Variants in KIAA2012 observed in about 807,000 individuals in gnomAD.
The protein encoded by KIAA2012 is uncharacterized protein KIAA2012.
In KIAA2012, 125 loss-of-function variants were observed where a neutral mutation model predicts 150.6. The ratio of observed to expected loss-of-function variants is 0.83; its 90% CI spans 0.72 to 0.96. The LOEUF (loss-of-function observed/expected upper bound fraction) is 0.96. KIAA2012 is among the 40% of genes least tolerant of loss of function. KIAA2012 has a pLI of 0.00. For synonymous variants in KIAA2012, 462 were observed against 504.7 expected (o/e 0.92, Z 1.13); for missense variants, 1,219 against 1,354.9 (o/e 0.90, Z 1.57).
chr2:202,188,416 T>G, intron 18 of KIAA2012, 150 bp downstream of exon 18: 1 of 630,122 alleles, frequency 1.6e-6, no homozygotes, highest in Non-Finnish European at 2.7e-6. Flanking sequence ...TGCAGCCTTA[T>G]GTCATATCAG....
chr2:202,073,405 T>A lies in KIAA2012; in HGVS notation c.-223T>A. 4.2e-6 allele frequency: 2 copies of A among 475,378 alleles called. No homozygotes were observed. The highest frequency in any genetic ancestry group is 7.6e-6 in the Non-Finnish European group (2 of 264,366). 29.4% of individuals were successfully genotyped at this position (475,378 alleles called of 1,614,324 possible). ...ATCCAGGGCTTGAGGAGGCTGGCTGTGCGGTTTATTTTTTCTCTCCACAAA... is the reference window on the plus strand; with the variant it reads ...ATCCAGGGCTTGAGGAGGCTGGCTGAGCGGTTTATTTTTTCTCTCCACAAA... On this transcript the variant is annotated 5_prime_UTR_variant, in exon 1 of 24. Transcript: ENST00000498697.
chr2:202,166,484 C>T (rs1319213068), intron 15 of KIAA2012, among the ~76,000 whole-genome samples: 4 of 152,048 alleles, frequency 2.6e-5, no homozygotes, highest in Non-Finnish European at 5.9e-5. Context: ...AAGATCCTGT[C>T]TCTACAAAAA....
At position 202,164,568 on chromosome 2, in the gene KIAA2012, A is replaced by T. The variant is rs569106543; in HGVS notation, c.2047-716A>T. 1.6e-4 allele frequency among the ~76,000 whole-genome samples: 25 copies of T among 152,332 alleles called. No individual in the cohort carries two copies. The South Asian group carries it at 5.2e-3, about 32-fold the overall frequency. On this transcript the variant is annotated intron_variant, in intron 14 of 23. Transcript: ENST00000498697. ...CCGTGGTAATCCTGAGGATGCCACA[A>T]AAGGCCTGTCTGACCCTTTGGCTCC...
At chr2:202,090,323 A>C (rs1689684436) in intron 2 of KIAA2012, among the ~76,000 whole-genome samples, 1 of 152,238 alleles carries the variant, frequency 6.6e-6, no homozygotes, top group Non-Finnish European at 1.5e-5. Flanking sequence ...TATTTTCAAA[A>C]TGCCAGGCTC....
chr2:202,112,075 G>A (rs1690372920), intron 10 of KIAA2012, among the ~76,000 whole-genome samples: 1 of 152,154 alleles, frequency 6.6e-6, no homozygotes, highest in African/African-American at 2.4e-5. Context: ...AGTATCTTTT[G>A]TTATTAATAA....
At position 202,090,837 on chromosome 2, in the gene KIAA2012, G is replaced by A. The variant is rs560061887; in HGVS notation, c.437G>A (p.Arg146Gln). 7.1e-6 allele frequency: 11 copies of A among 1,550,604 alleles called. No homozygotes were observed. In the Admixed American group the frequency reaches 1.8e-4, roughly 25 times the overall value. Residue 146 changes from arginine (R) to glutamine (Q), a missense_variant, in exon 3 of 24, where the codon CGG becomes CAG. Physicochemically the swap from Arg to Gln is conservative, Grantham distance 43. Coordinates refer to ENST00000498697, the MANE Select transcript of KIAA2012 (RefSeq NM_001277372.4). ...FRSQLESQAQ[R>Q]QIQPGHSAKR... ...AGCCAGCTGGAGAGCCAGGCCCAAC[G>A]GCAGATCCAGCCAGGGCATTCAGCC...
intron 2 of KIAA2012, 22 bp downstream of exon 2, chr2:202,075,197 G>A (rs753516216): frequency 6.6e-7 from 1 of 1,520,346 alleles, no homozygotes; most frequent in African/African-American, 1.4e-5. Flanking sequence ...GCTCCCTTGG[G>A]TTTGGGGAAG....
At chr2:202,170,982 A>G (rs1691874832) in intron 15 of KIAA2012, among the ~76,000 whole-genome samples, 3 of 152,204 alleles carry the variant, frequency 2.0e-5, no homozygotes, top group Non-Finnish European at 2.9e-5. Flanking sequence ...AGAGCTGGGC[A>G]ACAGTGAGGC....
chr2:202,113,348 A>G lies in KIAA2012; in HGVS notation c.1664A>G (p.Asp555Gly), dbSNP rs1303346059. 2 of 1,550,258 alleles carry G rather than the reference A, an allele frequency of 1.3e-6. No individual in the cohort carries two copies. Among genetic ancestry groups the G allele is most frequent in the Non-Finnish European group, 1.7e-6 (2 of 1,146,846 alleles). Residue 555 changes from aspartate (D) to glycine (G), a missense_variant, in exon 11 of 24, where the codon GAC becomes GGC. By Grantham distance (94) the Asp-to-Gly change is moderately conservative. Coordinates refer to ENST00000498697, the MANE Select transcript of KIAA2012 (RefSeq NM_001277372.4). ...ALPAAQEDSS[D>G]PTLGHFLLGP... ...GCTTATTTTCAAGAAGATTCCAGCG[A>G]CCCTACACTGGGACACTTCTTGCTG...
chr2:202,185,484 G>C (rs1188767939), intron 16 of KIAA2012, among the ~76,000 whole-genome samples: 1 of 152,112 alleles, frequency 6.6e-6, no homozygotes, highest in African/African-American at 2.4e-5. Context: ...AAAAGGTTTT[G>C]TGTTCCCCAG....
chr2:202,106,739 T>G (rs536365053), intron 9 of KIAA2012, among the ~76,000 whole-genome samples: 1 of 152,252 alleles, frequency 6.6e-6, no homozygotes, highest in South Asian at 2.1e-4. Flanking sequence ...GATAAAAGTC[T>G]TCACTCCAAT....
Position 202,074,929 on chromosome 2 carries a change from T to A in KIAA2012, c.123T>A (p.Pro41=). The A allele has an allele frequency of 1.3e-6, 2 of 1,550,804 alleles. No individual in the cohort carries two copies. Among genetic ancestry groups the A allele is most frequent in the Non-Finnish European group, 1.7e-6 (2 of 1,147,024 alleles). ...GGAGGTCCCCAGAAGACTATGTTCCTGTCAGCAAACCTCAAGATAAGAACA... is the reference window on the plus strand; with the variant it reads ...GGAGGTCCCCAGAAGACTATGTTCCAGTCAGCAAACCTCAAGATAAGAACA... The part of the protein sequence containing the change: ...LNWRSPEDYV[P]VSKPQDKNNA... The change falls in exon 2 of 24, where the codon CCT becomes CCA. Residue 41 remains proline (P), a synonymous_variant. Coordinates refer to ENST00000498697, the MANE Select transcript of KIAA2012 (RefSeq NM_001277372.4).
intron 22 of KIAA2012, chr2:202,201,871 G>A: frequency 1.7e-6 from 2 of 1,207,150 alleles, no homozygotes; most frequent in Non-Finnish European, 2.5e-6. Flanking sequence ...GTTGGATATT[G>A]ACCTTTGCTG....
chr2:202,163,698 T>C (rs1691702622), intron 14 of KIAA2012, among the ~76,000 whole-genome samples: 1 of 152,108 alleles, frequency 6.6e-6, no homozygotes, highest in African/African-American at 2.4e-5. Context: ...TCAATACAGT[T>C]TCTTGTTAGA....
At chr2:202,199,920 A>ATTT (rs71025287) in intron 22 of KIAA2012, among the ~76,000 whole-genome samples, 7,596 of 76,290 alleles carry the variant, frequency 0.1, 1,753 homozygotes, top group African/African-American at 0.14. Context: ...GCCCCTCATA[A>ATTT]TTTTTTTTTT....
At chr2:202,095,393 G>T (rs772161672) in intron 4 of KIAA2012, among the ~76,000 whole-genome samples, 4 of 152,158 alleles carry the variant, frequency 2.6e-5, no homozygotes, top group Non-Finnish European at 5.9e-5. Flanking sequence ...AGTCACTTAT[G>T]CTCCCTGCAT....
intron 2 of KIAA2012, among the ~76,000 whole-genome samples, chr2:202,080,198 A>G (rs1176311544): frequency 6.6e-6 from 1 of 152,234 alleles, no homozygotes; most frequent in African/African-American, 2.4e-5. Context: ...ATGTTTAAAA[A>G]GTGGATCTGA....
intron 15 of KIAA2012, among the ~76,000 whole-genome samples, chr2:202,171,205 GCACA>G (rs10532177): frequency 2.7e-5 from 4 of 149,784 alleles, no homozygotes; most frequent in South Asian, 2.1e-4. Context: ...AGACACACAT[GCACA>G]CACACACACA....
chr2:202,134,508 G>T (rs535773390), intron 12 of KIAA2012, among the ~76,000 whole-genome samples: 1 of 152,296 alleles, frequency 6.6e-6, no homozygotes, highest in Admixed American at 6.5e-5. Flanking sequence ...CCATACCAAG[G>T]CAAATATGCA....
Sources: gnomAD v4.1 joint callset for allele counts (sites outside exome capture counted in the v4.1 genomes callset) on GRCh38, gnomAD v4.1.1 for gene constraint, MANE v1.5 for transcripts, NCBI Gene and HGNC (gene_info 2026-07-23, HGNC 2026-07-21) for gene names.